COLGALT2: variants seen among roughly 807,000 people sequenced by gnomAD.
COLGALT2 encodes the protein procollagen galactosyltransferase 2.
Under a neutral mutation model 73.4 loss-of-function variants are expected in COLGALT2, and 49 were observed. The observed-to-expected ratio is 0.67, with a 90% confidence interval of 0.53 to 0.85. COLGALT2 has a LOEUF of 0.85. COLGALT2 is among the 40% of genes least tolerant of loss of function. The pLI, the probability that COLGALT2 is intolerant of heterozygous loss-of-function variation, is 0.00. For synonymous variants in COLGALT2, 295 were observed against 307.6 expected (o/e 0.96, Z 0.43); for missense variants, 722 against 790.2 (o/e 0.91, Z 1.03).
chr1:183,954,738 C>T lies in COLGALT2; in HGVS notation c.1029+24G>A, dbSNP rs748138630. 1.0e-5 allele frequency: 16 copies of T among 1,562,006 alleles called. No homozygotes were observed. The South Asian group carries it at 1.7e-4, about 16-fold the overall frequency. On this transcript the variant is annotated intron_variant, in intron 7 of 11. Transcript: ENST00000361927. ...AAGCCTGCACACGCGTGCATGTGCA[C>T]ACACATATAGACACCTTTCCTACCT... is the stretch of plus-strand genomic sequence containing the variant.
downstream of COLGALT2, among the ~76,000 whole-genome samples, chr1:183,932,775 G>A (rs1427563769): frequency 6.6e-6 from 1 of 152,144 alleles, no homozygotes; most frequent in Non-Finnish European, 1.5e-5. Context: ...GCAGCCCTGG[G>A]CCGGAGTGTC....
Position 183,938,202 on chromosome 1 carries a change from T to TTTTC in COLGALT2, c.*558_*559insGAAA, listed in dbSNP as rs1670011325. ...ACTGGATAACAGGGACTAAGATTTT[T>TTTTC]TTTTTTTAAAAAATCTACTTTTCAA... On this transcript the variant is annotated 3_prime_UTR_variant, in exon 12 of 12. Coordinates refer to ENST00000361927, the MANE Select transcript of COLGALT2 (RefSeq NM_015101.4). The TTTTC allele has an allele frequency of 9.1e-6, 9 of 985,480 alleles. No homozygotes were observed. The East Asian group carries it at 4.5e-4, about 50-fold the overall frequency. 61.0% of individuals were successfully genotyped at this position (985,480 alleles called of 1,614,324 possible).
At chr1:183,994,026 C>CTTTTTTTTTTT (rs869129633) in intron 1 of COLGALT2, among the ~76,000 whole-genome samples, 20 of 70,030 alleles carry the variant, frequency 2.9e-4, no homozygotes, top group Non-Finnish European at 4.0e-4. Context: ...TCTTGTAATT[C>CTTTTTTTTTTT]TTTTTTTTTT....
At chr1:184,029,698 C>T (rs776754507) in intron 1 of COLGALT2, among the ~76,000 whole-genome samples, 1 of 152,192 alleles carries the variant, frequency 6.6e-6, no homozygotes, top group Non-Finnish European at 1.5e-5. Flanking sequence ...TACACCTCAT[C>T]AAAAAGTTTT....
chr1:184,014,768 A>T (rs142606432), intron 1 of COLGALT2, among the ~76,000 whole-genome samples: 72 of 152,310 alleles, frequency 4.7e-4, no homozygotes, highest in African/African-American at 1.7e-3. Flanking sequence ...GACAGGATGA[A>T]ATCTCTCTTC....
chr1:184,016,482 G>A (rs761998841), intron 1 of COLGALT2, among the ~76,000 whole-genome samples: 8 of 152,178 alleles, frequency 5.3e-5, no homozygotes, highest in Admixed American at 3.3e-4. Flanking sequence ...TGGTGTGTGA[G>A]GTAATAAAAA....
chr1:183,992,902 T>C (rs973622385), intron 1 of COLGALT2, among the ~76,000 whole-genome samples: 2 of 152,210 alleles, frequency 1.3e-5, no homozygotes, highest in Non-Finnish European at 2.9e-5. Flanking sequence ...TTTATTTCTA[T>C]GGTACTCAAT....
At chr1:184,018,132 T>C (rs1180939212) in intron 1 of COLGALT2, among the ~76,000 whole-genome samples, 3 of 152,190 alleles carry the variant, frequency 2.0e-5, no homozygotes, top group East Asian at 3.8e-4. Flanking sequence ...ATTTTATTAT[T>C]ACCCTAAATA....
intron 1 of COLGALT2, among the ~76,000 whole-genome samples, chr1:183,985,628 A>G (rs1038336918): frequency 2.0e-5 from 3 of 152,320 alleles, no homozygotes; most frequent in Non-Finnish European, 4.4e-5. Context: ...GAATGTCCTC[A>G]GCTTCCCTGC....
rs1220285898 is a variant in COLGALT2, at chr1:184,036,609, C to CT, written c.263+485dup. ...GGCACCGGAAAGTCAGAGCAGCGCA[C>CT]TGCGGCGCCCCAGCCACTGCGGAGC... On this transcript the variant is annotated intron_variant, in intron 1 of 11. Transcript: ENST00000361927. 2.6e-5 allele frequency among the ~76,000 whole-genome samples: 4 copies of CT among 152,334 alleles called. No homozygotes were observed. The East Asian group carries it at 7.7e-4, about 29-fold the overall frequency.
At chr1:183,979,435 A>T (rs554780708) in intron 1 of COLGALT2, among the ~76,000 whole-genome samples, 1 of 152,290 alleles carries the variant, frequency 6.6e-6, no homozygotes, top group South Asian at 2.1e-4. Context: ...GGCCATTCAC[A>T]TCAAAATATA....
intron 5 of COLGALT2, 109 bp from the exon 6 acceptor site, chr1:183,964,129 T>C (rs1321278784): frequency 4.9e-6 from 6 of 1,219,272 alleles, no homozygotes; most frequent in Non-Finnish European, 2.3e-6. Flanking sequence ...GACACTGCAA[T>C]TAAATAAGTG....
chr1:184,012,357 T>C (rs1648834799), intron 1 of COLGALT2, among the ~76,000 whole-genome samples: 1 of 152,236 alleles, frequency 6.6e-6, no homozygotes, highest in Admixed American at 6.5e-5. Context: ...GTGTGTGTTA[T>C]TCCCACAGCA....
intron 6 of COLGALT2, 69 bp from the exon 7 acceptor site, chr1:183,954,907 A>G (rs1670511392): frequency 8.5e-7 from 1 of 1,174,232 alleles, no homozygotes; most frequent in African/African-American, 1.5e-5. Context: ...TTCCATCCGC[A>G]TGCCTGATCT....
At chr1:183,932,188 C>T (rs1669862072), downstream of COLGALT2, among the ~76,000 whole-genome samples, 1 of 152,110 alleles carries the variant, frequency 6.6e-6, no homozygotes. Context: ...ACATTATCCC[C>T]CAGCAGCTTG....
At chr1:184,034,493 C>T (rs1649611796) in intron 1 of COLGALT2, among the ~76,000 whole-genome samples, 1 of 152,052 alleles carries the variant, frequency 6.6e-6, no homozygotes, top group Admixed American at 6.5e-5. Flanking sequence ...CCATTCAGAT[C>T]ACCTTACACT....
chr1:183,946,059 T>G (rs1670241835), intron 8 of COLGALT2: 1 of 154,456 alleles, frequency 6.5e-6, no homozygotes, highest in South Asian at 2.0e-4. Context: ...AGGGACAAAA[T>G]GGACTGAGAC....
intron 1 of COLGALT2, among the ~76,000 whole-genome samples, chr1:184,017,565 C>T (rs552628536): frequency 7.4e-4 from 112 of 152,274 alleles, no homozygotes; most frequent in African/African-American, 2.6e-3. Context: ...AGTTAACTTC[C>T]CCTCAACCAG....
At chr1:183,975,336 G>T in intron 2 of COLGALT2, 122 bp from the exon 3 acceptor site, 1 of 604,772 alleles carries the variant, frequency 1.7e-6, no homozygotes, top group Non-Finnish European at 2.8e-6. Context: ...TATTATTATT[G>T]TTATCATCAT....
Sources: gnomAD v4.1 joint callset for allele counts (sites outside exome capture counted in the v4.1 genomes callset) on GRCh38, gnomAD v4.1.1 for gene constraint, MANE v1.5 for transcripts, NCBI Gene and HGNC (gene_info 2026-07-23, HGNC 2026-07-21) for gene names.